Variants in MAGI1 observed in about 807,000 individuals in gnomAD.
The protein encoded by MAGI1 is membrane associated guanylate kinase, WW and PDZ domain containing 1.
A neutral mutation model predicts 139.9 loss-of-function variants in MAGI1; 58 were observed. The observed-to-expected ratio is 0.41, with a 90% CI of 0.34 to 0.52. The LOEUF is 0.52. MAGI1 is among the 20% of genes least tolerant of loss of function. The probability of loss-of-function intolerance (pLI) is 0.12; values close to 1 mark genes in which losing one functional copy is unlikely to be tolerated. For missense variants in MAGI1, 1,874 were observed against 1,901.6 expected (o/e 0.99, Z 0.27); for synonymous variants, 812 against 737.9 (o/e 1.10, Z -1.63).
chr3:66,026,779 C>T (rs1228639034), intron 1 of MAGI1, among the ~76,000 whole-genome samples: 2 of 151,730 alleles, frequency 1.3e-5, no homozygotes, highest in Non-Finnish European at 2.9e-5. Context: ...TAGCAGCACA[C>T]CGTTTTTTGG....
intron 1 of MAGI1, among the ~76,000 whole-genome samples, chr3:65,734,481 GAGAA>G (rs1431593711): frequency 7.0e-6 from 1 of 143,200 alleles, no homozygotes; most frequent in Non-Finnish European, 1.5e-5. Flanking sequence ...AAAGAAAGAA[GAGAA>G]AGAAAGAGAG....
At chr3:65,552,176 C>G (rs950532964) in intron 2 of MAGI1, among the ~76,000 whole-genome samples, 2 of 152,064 alleles carry the variant, frequency 1.3e-5, no homozygotes, top group African/African-American at 4.8e-5. Context: ...ATTAGAAGCC[C>G]TGAAGCACCC....
intron 1 of MAGI1, among the ~76,000 whole-genome samples, chr3:65,838,155 C>CAA (rs112844034): frequency 1.3e-5 from 2 of 151,958 alleles, no homozygotes; most frequent in African/African-American, 4.8e-5. Context: ...ACTAAAAATA[C>CAA]AAAAAAATTA....
chr3:65,716,536 C>G (rs936133989), intron 1 of MAGI1, among the ~76,000 whole-genome samples: 2 of 152,176 alleles, frequency 1.3e-5, no homozygotes, highest in African/African-American at 4.8e-5. Flanking sequence ...CAGTGGGGAA[C>G]AGCAATTCCT....
chr3:65,977,507 T>C (rs1219312653), intron 1 of MAGI1, among the ~76,000 whole-genome samples: 2 of 152,022 alleles, frequency 1.3e-5, no homozygotes, highest in South Asian at 2.1e-4. Context: ...GGCCACAAGT[T>C]CACCACCAAC....
intron 1 of MAGI1, among the ~76,000 whole-genome samples, chr3:65,783,488 GAA>G: frequency 6.8e-6 from 1 of 146,366 alleles, no homozygotes; most frequent in Admixed American, 6.8e-5. Context: ...TCTCCAGAAA[GAA>G]AAAAAAAAAA....
intron 2 of MAGI1, among the ~76,000 whole-genome samples, chr3:65,610,692 C>T (rs1463959069): frequency 3.8e-5 from 5 of 132,144 alleles, no homozygotes; most frequent in African/African-American, 8.5e-5. Context: ...TCCTATGAGA[C>T]GGGAAAGGAG....
chr3:66,013,131 C>T lies in MAGI1; in HGVS notation c.313+24865G>A, dbSNP rs555607324. On this transcript the variant is annotated intron_variant, in intron 1 of 22. Coordinates refer to ENST00000402939, the MANE Select transcript of MAGI1 (RefSeq NM_001033057.2). ...GAAGAACTTCAATTCTGGCTGGGCA[C>T]AGCGGCTCACGCCTGCAATCCCAGC... Among the ~76,000 whole-genome samples, 324 of 152,250 alleles carry T rather than the reference C, an allele frequency of 2.1e-3. 1 individual carries two copies. The highest frequency in any genetic ancestry group is 7.3e-3 in the African/African-American group (302 of 41,560).
At chr3:65,625,804 C>A (rs761914674) in intron 1 of MAGI1, among the ~76,000 whole-genome samples, 1 of 152,264 alleles carries the variant, frequency 6.6e-6, no homozygotes, top group South Asian at 2.1e-4. Flanking sequence ...CTAAGGAGAT[C>A]TGGATGAAAG....
intron 1 of MAGI1, among the ~76,000 whole-genome samples, chr3:65,674,687 G>C (rs1009501168): frequency 6.6e-6 from 1 of 152,008 alleles, no homozygotes; most frequent in African/African-American, 2.4e-5. Flanking sequence ...TCCCACTCCT[G>C]CTGGCCCCAG....
chr3:65,610,152 T>C (rs2082971806), intron 2 of MAGI1, among the ~76,000 whole-genome samples: 2 of 152,192 alleles, frequency 1.3e-5, no homozygotes, highest in Admixed American at 1.3e-4. Flanking sequence ...GCTAAGAAGT[T>C]ACAAAATTCC....
chr3:65,691,693 A>G (rs2088669629), intron 1 of MAGI1, among the ~76,000 whole-genome samples: 1 of 152,194 alleles, frequency 6.6e-6, no homozygotes, highest in Non-Finnish European at 1.5e-5. Flanking sequence ...AATCTAACAG[A>G]ATTTAAATCT....
chr3:65,396,084 A>T (rs1944374300), intron 13 of MAGI1, among the ~76,000 whole-genome samples: 1 of 152,152 alleles, frequency 6.6e-6, no homozygotes, highest in South Asian at 2.1e-4. Flanking sequence ...GAGGCTTAGG[A>T]GCAGGAGGAT....
At chr3:65,966,718 G>T (rs1286228622) in intron 1 of MAGI1, among the ~76,000 whole-genome samples, 2 of 152,174 alleles carry the variant, frequency 1.3e-5, no homozygotes, top group African/African-American at 2.4e-5. Flanking sequence ...GCATCAGCTT[G>T]TTCATCTGCA....
chr3:65,650,886 T>C (rs142156744), intron 1 of MAGI1, among the ~76,000 whole-genome samples: 3 of 152,340 alleles, frequency 2.0e-5, no homozygotes, highest in African/African-American at 7.2e-5. Context: ...ATGACTTTTG[T>C]ACCAATGTAG....
intron 1 of MAGI1, among the ~76,000 whole-genome samples, chr3:65,676,868 G>A (rs1245191685): frequency 1.3e-5 from 2 of 152,138 alleles, no homozygotes; most frequent in Non-Finnish European, 2.9e-5. Flanking sequence ...CAACAATACA[G>A]AACGACATAT....
intron 1 of MAGI1, among the ~76,000 whole-genome samples, chr3:65,732,798 A>C (rs2034319457): frequency 6.6e-6 from 1 of 152,222 alleles, no homozygotes; most frequent in African/African-American, 2.4e-5. Flanking sequence ...TACTAACTCA[A>C]AGCATTAAAC....
At chr3:65,579,616 C>A (rs541129927) in intron 2 of MAGI1, among the ~76,000 whole-genome samples, 1 of 152,122 alleles carries the variant, frequency 6.6e-6, no homozygotes, top group Non-Finnish European at 1.5e-5. Flanking sequence ...GAGGCCAAGG[C>A]GGGTAGGTCA....
rs147662368 is a variant in MAGI1, at chr3:65,538,906, C to T, written c.431-45275G>A. On this transcript the variant is annotated intron_variant, in intron 2 of 22. Coordinates refer to ENST00000402939, the MANE Select transcript of MAGI1 (RefSeq NM_001033057.2). ...GTCAACCAGAAACACATACTAACAC[C>T]GGCAAACAGAAACACATACCAACTA... Among the ~76,000 whole-genome samples, 529 of 152,200 alleles carry T rather than the reference C, an allele frequency of 3.5e-3. 2 individuals are homozygous for T. The highest frequency in any genetic ancestry group is 0.012 in the African/African-American group (504 of 41,526).
Sources: gnomAD v4.1 joint callset for allele counts (sites outside exome capture counted in the v4.1 genomes callset) on GRCh38, gnomAD v4.1.1 for gene constraint, MANE v1.5 for transcripts, NCBI Gene and HGNC (gene_info 2026-07-23, HGNC 2026-07-21) for gene names.